ROBO2: variants seen among roughly 807,000 people sequenced by gnomAD.
ROBO2 encodes roundabout guidance receptor 2, also known as roundabout homolog 2.
Under a neutral mutation model 160.8 loss-of-function variants are expected in ROBO2, and 53 were observed. The observed-to-expected ratio is 0.33, with a 90% CI of 0.26 to 0.41. The LOEUF (loss-of-function observed/expected upper bound fraction) is 0.41. Among genes scored for constraint, ROBO2 ranks in the 10% least tolerant of loss-of-function variants. ROBO2 has a pLI of 1.00. For missense variants in ROBO2, 1,577 were observed against 1,722.4 expected (o/e 0.92, Z 1.49); for synonymous variants, 664 against 611.7 (o/e 1.09, Z -1.26).
intron 2 of ROBO2, among the ~76,000 whole-genome samples, chr3:77,445,794 G>GTTTTTTTTTTTTTTTTT (rs199914360): frequency 4.1e-5 from 5 of 123,090 alleles, no homozygotes; most frequent in African/African-American, 1.6e-4. Context: ...GTTTTTTTTT[G>GTTTTTTTTTTTTTTTTT]TTTTTTTTTT....
At chr3:76,069,714 G>T (rs1263979836) in intron 2 of ROBO2, among the ~76,000 whole-genome samples, 1 of 151,954 alleles carries the variant, frequency 6.6e-6, no homozygotes, top group Non-Finnish European at 1.5e-5. Flanking sequence ...GTGAACTCTT[G>T]CTCAAGAACA....
intron 5 of ROBO2, among the ~76,000 whole-genome samples, chr3:77,518,718 A>T (rs1313780638): frequency 2.0e-5 from 3 of 151,454 alleles, no homozygotes; most frequent in Non-Finnish European, 4.4e-5. Context: ...AAAATAATGA[A>T]ATGTTTATTA....
intron 2 of ROBO2, among the ~76,000 whole-genome samples, chr3:76,316,402 T>C (rs2072031127): frequency 6.6e-6 from 1 of 152,150 alleles, no homozygotes. Flanking sequence ...GTGATATCGC[T>C]CCTACTTCCA....
chr3:77,558,281 T>G (rs1046681141), intron 9 of ROBO2, 132 bp downstream of exon 10: 14 of 740,016 alleles, frequency 1.9e-5, no homozygotes, highest in Non-Finnish European at 3.2e-5. Context: ...TTAATGTTAT[T>G]ACTTATTTTA....
chr3:76,362,664 A>C (rs1251088366), intron 2 of ROBO2, among the ~76,000 whole-genome samples: 1 of 152,102 alleles, frequency 6.6e-6, no homozygotes, highest in African/African-American at 2.4e-5. Context: ...ATGTTACCCA[A>C]GAGGCACAGG....
At chr3:76,158,860 G>C (rs1259749587) in intron 2 of ROBO2, among the ~76,000 whole-genome samples, 1 of 152,092 alleles carries the variant, frequency 6.6e-6, no homozygotes, top group East Asian at 1.9e-4. Flanking sequence ...TATAAAGTCA[G>C]ATTACTTATC....
intron 2 of ROBO2, among the ~76,000 whole-genome samples, chr3:76,531,437 C>A (rs2082218362): frequency 6.6e-6 from 1 of 151,990 alleles, no homozygotes; most frequent in African/African-American, 2.4e-5. Flanking sequence ...AAGCCAAATT[C>A]TTTAGAAGAT....
chr3:77,433,859 TTCCCTTATCCCCTGGATCAAA>T (rs2079032908), intron 2 of ROBO2, among the ~76,000 whole-genome samples: 1 of 152,006 alleles, frequency 6.6e-6, no homozygotes, highest in African/African-American at 2.4e-5. Flanking sequence ...TCCCTTCCCT[TTCCCTTATCCCCTGGATCAAA>T]TCACCCAGTC....
At chr3:77,648,328 C>CACAT (rs1243923284) in exon 26 of ROBO2, 3 of 152,158 alleles carry the variant, frequency 2.0e-5, no homozygotes, top group African/African-American at 4.8e-5. Flanking sequence ...ACATATACAA[C>CACAT]ACATAGCCTT....
intron 2 of ROBO2, among the ~76,000 whole-genome samples, chr3:76,255,059 T>C (rs998059396): frequency 2.0e-5 from 3 of 151,992 alleles, no homozygotes; most frequent in African/African-American, 7.2e-5. Flanking sequence ...TTTGGGCAAA[T>C]GGAGATGCCA....
At chr3:76,422,510 GTT>G (rs1262774566) in intron 2 of ROBO2, among the ~76,000 whole-genome samples, 1 of 152,152 alleles carries the variant, frequency 6.6e-6, no homozygotes, top group African/African-American at 2.4e-5. Flanking sequence ...CTACTTGCGT[GTT>G]TGATCTGTAT....
At chr3:77,594,418 G>T (rs755327601) in intron 17 of ROBO2, among the ~76,000 whole-genome samples, 2 of 152,042 alleles carry the variant, frequency 1.3e-5, no homozygotes, top group South Asian at 2.1e-4. Flanking sequence ...TGAAACTATC[G>T]GCTGGAGAGA....
chr3:77,499,445 T>C (rs2087229218), intron 5 of ROBO2, among the ~76,000 whole-genome samples: 1 of 152,116 alleles, frequency 6.6e-6, no homozygotes, highest in South Asian at 2.1e-4. Context: ...CATTGTACAA[T>C]GGATGCACAT....
chr3:76,798,027 T>G (rs1381902171), intron 2 of ROBO2, among the ~76,000 whole-genome samples: 19 of 150,668 alleles, frequency 1.3e-4, no homozygotes. Flanking sequence ...AAAAGTAGAA[T>G]AGTAGGAAAT....
intron 2 of ROBO2, among the ~76,000 whole-genome samples, chr3:76,920,083 A>G (rs763722736): frequency 2.6e-5 from 4 of 152,170 alleles, no homozygotes; most frequent in African/African-American, 9.7e-5. Context: ...CAATAATCCA[A>G]ATTCAGTAAA....
chr3:77,638,818 C>CTTTTTTTTTTTTTT (rs34034420), intron 24 of ROBO2, among the ~76,000 whole-genome samples: 1 of 51,270 alleles, frequency 2.0e-5, no homozygotes, highest in Non-Finnish European at 3.4e-5. Context: ...TTTCACCTAG[C>CTTTTTTTTTTTTTT]TTTTTTTTTT....
At chr3:77,042,404 T>A (rs528054013) in intron 1 of ROBO2, among the ~76,000 whole-genome samples, 2 of 152,360 alleles carry the variant, frequency 1.3e-5, no homozygotes, top group South Asian at 4.1e-4. Flanking sequence ...TATGTCCTCA[T>A]AAATCATGAA....
At chr3:76,823,213 G>C (rs1421303121) in intron 2 of ROBO2, among the ~76,000 whole-genome samples, 1 of 151,986 alleles carries the variant, frequency 6.6e-6, no homozygotes, top group African/African-American at 2.4e-5. Flanking sequence ...TGGATTCCTT[G>C]CTTTCTGGTA....
chr3:77,070,503 C>T (rs2067295926), intron 1 of ROBO2, among the ~76,000 whole-genome samples: 1 of 152,092 alleles, frequency 6.6e-6, no homozygotes, highest in Non-Finnish European at 1.5e-5. Context: ...CTCCATCCTT[C>T]CCTTAATTAT....
Sources: gnomAD v4.1 joint callset for allele counts (sites outside exome capture counted in the v4.1 genomes callset) on GRCh38, gnomAD v4.1.1 for gene constraint, MANE v1.5 for transcripts, NCBI Gene and HGNC (gene_info 2026-07-23, HGNC 2026-07-21) for gene names.